The following LRRC8A variants were observed in gnomAD, a reference collection of about 807,000 sequenced individuals.
LRRC8A encodes the protein leucine rich repeat containing 8 VRAC subunit A.
Under a neutral mutation model 52.5 loss-of-function variants are expected in LRRC8A, and 24 were observed. The observed-to-expected ratio is 0.46, with a 90% confidence interval of 0.33 to 0.64. LRRC8A has a LOEUF of 0.64. Among genes scored for constraint, LRRC8A ranks in the 30% least tolerant of loss-of-function variants. The pLI is 0.02. For synonymous variants in LRRC8A, 492 were observed against 494.2 expected, an observed-to-expected ratio of 1.00 and a Z score of 0.06; for missense variants, 677 against 1,094.7, an observed-to-expected ratio of 0.62 and a Z score of 5.38.
chr9:128,907,264 G>A lies in LRRC8A; in HGVS notation c.100G>A (p.Val34Ile), dbSNP rs749710079. 69 of 1,613,926 alleles carry A rather than the reference G, an allele frequency of 4.3e-5. No individual in the cohort carries two copies. Among genetic ancestry groups the A allele is most frequent in the Admixed American group, 3.7e-4 (22 of 60,012 alleles). Residue 34 changes from valine (V) to isoleucine (I), a missense_variant, in exon 3 of 4, where the codon GTC becomes ATC. Physicochemically the swap from Val to Ile is conservative, Grantham distance 29. Around this residue, in one of 4 missense-constraint regions of LRRC8A, gnomAD observed 32 missense variants for 86.0 expected, o/e 0.37. Coordinates refer to ENST00000372600, the MANE Select transcript of LRRC8A (RefSeq NM_019594.4). This position sits in a 1 kb window ranked among gnomAD's most constrained non-coding sequence, Gnocchi z 9.3. ...TGTGTTCACAGACTACATCTCTATC[G>A]TCATGCTGATGATTGCCGTCTTCGG... ...WDVFTDYISIVMLMIAVFGGT... is the reference protein window; with the variant it reads ...WDVFTDYISIIMLMIAVFGGT...
intron 2 of LRRC8A, among the ~76,000 whole-genome samples, chr9:128,901,770 C>T (rs1034010726): frequency 3.9e-5 from 6 of 152,086 alleles, no homozygotes; most frequent in Admixed American, 6.5e-5. Flanking sequence ...TCATCCTCGG[C>T]AAGAGCCGTG....
intron 2 of LRRC8A, among the ~76,000 whole-genome samples, chr9:128,886,401 GC>G (rs775797555): frequency 2.6e-5 from 4 of 152,198 alleles, no homozygotes; most frequent in African/African-American, 9.7e-5. Flanking sequence ...TGCTAATGCA[GC>G]CTCATGACCA....
Position 128,917,446 on chromosome 9 carries a change from G to C in LRRC8A, c.*1075G>C, listed in dbSNP as rs145750669. 1 of 152,606 alleles carries C rather than the reference G, an allele frequency of 6.6e-6. No homozygotes were observed. The highest frequency in any genetic ancestry group is 6.6e-5 in the Admixed American group (1 of 15,262). 9.5% of individuals were successfully genotyped at this position (152,606 alleles called of 1,614,324 possible). On this transcript the variant is annotated 3_prime_UTR_variant, in exon 4 of 4. Transcript: ENST00000372600. The stretch of plus-strand genomic sequence containing the variant: ...AGGAGACTCGGGTTGGCTAATCCCC[G>C]GATGAACGGTGCTCCATTCGCACCT...
chr9:128,890,316 C>A (rs774210289), intron 2 of LRRC8A, among the ~76,000 whole-genome samples: 18 of 152,116 alleles, frequency 1.2e-4, no homozygotes, highest in Admixed American at 1.0e-3. Context: ...GCAAGTTTGT[C>A]TACATCTAAA....
chr9:128,887,393 G>T (rs1024281895), intron 2 of LRRC8A, among the ~76,000 whole-genome samples: 3 of 152,010 alleles, frequency 2.0e-5, no homozygotes, highest in Non-Finnish European at 4.4e-5. Context: ...CGAACTCCTG[G>T]GTTCAAGAGA....
chr9:128,886,769 TGGTC>T (rs1286915799), intron 2 of LRRC8A, among the ~76,000 whole-genome samples: 4 of 152,176 alleles, frequency 2.6e-5, no homozygotes, highest in African/African-American at 4.8e-5. Flanking sequence ...TCCTAGAAGG[TGGTC>T]CCGAGTCATA....
intron 2 of LRRC8A, among the ~76,000 whole-genome samples, chr9:128,905,244 CAG>C (rs1386040885): frequency 6.6e-6 from 1 of 152,190 alleles, no homozygotes; most frequent in Non-Finnish European, 1.5e-5. Flanking sequence ...GAAAAGTTAA[CAG>C]TGTGTAACCC....
chr9:128,890,043 T>C (rs1839544102), intron 2 of LRRC8A, among the ~76,000 whole-genome samples: 1 of 151,912 alleles, frequency 6.6e-6, no homozygotes, highest in African/African-American at 2.4e-5. Context: ...CCTCAGGTGA[T>C]CCACCCACCT....
At chr9:128,915,771 G>T (rs1840785632) in intron 3 of LRRC8A, among the ~76,000 whole-genome samples, 6 of 152,212 alleles carry the variant, frequency 3.9e-5, no homozygotes. Context: ...CCAGGTGCTG[G>T]AAGATAGTGG....
chr9:128,899,861 C>T lies in LRRC8A; in HGVS notation c.-8-7296C>T, dbSNP rs1290954425. Among the ~76,000 whole-genome samples the T allele has an allele frequency of 6.6e-6, 1 of 152,150 alleles. No individual in the cohort carries two copies. The highest frequency in any genetic ancestry group is 6.5e-5 in the Admixed American group (1 of 15,270). The stretch of plus-strand genomic sequence containing the variant: ...ATGTGCTTCATGCCACTGAACTACA[C>T]CCCTGAACATGGGTAAGATGGTACA... On this transcript the variant is annotated intron_variant, in intron 2 of 3. Coordinates refer to ENST00000372600, the MANE Select transcript of LRRC8A (RefSeq NM_019594.4). This position sits in a 1 kb window ranked among gnomAD's most constrained non-coding sequence, Gnocchi z 4.0.
At chr9:128,886,290 C>T (rs887953850) in intron 2 of LRRC8A, among the ~76,000 whole-genome samples, 169 bp downstream of exon 2, 4 of 152,222 alleles carry the variant, frequency 2.6e-5, no homozygotes, top group African/African-American at 4.8e-5. Flanking sequence ...CTCCTTCTCC[C>T]GCTGAGTAAT....
intron 3 of LRRC8A, among the ~76,000 whole-genome samples, chr9:128,915,236 G>A (rs2131068120): frequency 6.6e-6 from 1 of 152,310 alleles, no homozygotes; most frequent in South Asian, 2.1e-4. Flanking sequence ...TGCAGGTAGT[G>A]CAGAACCCTA....
At chr9:128,903,917 A>G (rs1384293626) in intron 2 of LRRC8A, among the ~76,000 whole-genome samples, 1 of 152,082 alleles carries the variant, frequency 6.6e-6, no homozygotes, top group African/African-American at 2.4e-5. Context: ...AATCCCAGCC[A>G]CTTGGGAGAT....
In LRRC8A at chr9:128,907,508, A is replaced by C. The variant is rs753059529; in HGVS notation, c.344A>C (p.Glu115Ala). The C allele has an allele frequency of 6.2e-7, 1 of 1,614,128 alleles. No individual in the cohort carries two copies. Among genetic ancestry groups the C allele is most frequent in the South Asian group, 1.1e-5 (1 of 91,080 alleles). Reference protein sequence around the residue: ...QYNYVDAVCYENRLHWFAKYF... With the variant: ...QYNYVDAVCYANRLHWFAKYF... ...AACTACGTGGACGCTGTGTGCTATG[A>C]GAACCGACTGCACTGGTTTGCCAAG... Residue 115 changes from glutamate (E) to alanine (A), a missense_variant, in exon 3 of 4, where the codon GAG becomes GCG. Around this residue, in one of 4 missense-constraint regions of LRRC8A, gnomAD observed 422 missense variants for 741.5 expected, o/e 0.57. Transcript: ENST00000372600. The surrounding 1 kb of genome is among the most constrained non-coding windows in gnomAD (Gnocchi z 9.3).
rs1341420689 is a variant in LRRC8A at position 128,911,925 on chromosome 9, C to G, written c.2157+2604C>G. On this transcript the variant is annotated intron_variant, in intron 3 of 3. Coordinates refer to ENST00000372600, the MANE Select transcript of LRRC8A (RefSeq NM_019594.4). This position sits in a 1 kb window ranked among gnomAD's most constrained non-coding sequence, Gnocchi z 4.9. ...TCCTCCTCACTCGGGCTTGATGGCT[C>G]CTTCTCAGCCACCTTGGCCAGTGGT... Among the ~76,000 whole-genome samples, 2 of 152,238 alleles carry G rather than the reference C, an allele frequency of 1.3e-5. No homozygotes were observed. The highest frequency in any genetic ancestry group is 2.9e-5 in the Non-Finnish European group (2 of 68,048).
In LRRC8A at chr9:128,916,279, C is replaced by T. The variant is rs1270591318; in HGVS notation, c.2341C>T (p.Arg781Cys). The change falls in exon 4 of 4, where the codon CGC (arginine) becomes TGC (cysteine). Residue 781 changes from arginine (R) to cysteine (C), a missense_variant. Coordinates refer to ENST00000372600, the MANE Select transcript of LRRC8A (RefSeq NM_019594.4). This position sits in a 1 kb window ranked among gnomAD's most constrained non-coding sequence, Gnocchi z 6.1. ...VELGECPLLKRSGLVVEEDLF... is the reference protein window; with the variant it reads ...VELGECPLLKCSGLVVEEDLF... ...GCTGGGCGAGTGCCCACTGCTCAAG[C>T]GCAGCGGCTTGGTGGTGGAGGAGGA... is the stretch of plus-strand genomic sequence containing the variant. 1.2e-6 allele frequency: 2 copies of T among 1,613,738 alleles called. No homozygotes were observed. Among genetic ancestry groups the T allele is most frequent in the Non-Finnish European group, 1.7e-6 (2 of 1,179,960 alleles).
At chr9:128,893,013 C>T (rs566606261) in intron 2 of LRRC8A, among the ~76,000 whole-genome samples, 1 of 152,166 alleles carries the variant, frequency 6.6e-6, no homozygotes, top group Non-Finnish European at 1.5e-5. Context: ...GGGTCTGGTG[C>T]GTGCTGGGGG....
chr9:128,907,968 C>A lies in LRRC8A; in HGVS notation c.804C>A (p.Thr268=), dbSNP rs768641393. ...TGTACCGCCTCTACATGCGGCAGAC[C>A]ATCATCAAGGTGATCAAGTTCATCC... ...DIVYRLYMRQ[T]IIKVIKFILI... The change falls in exon 3 of 4, where the codon ACC becomes ACA. Residue 268 remains threonine (T), a synonymous_variant. Coordinates refer to ENST00000372600, the MANE Select transcript of LRRC8A (RefSeq NM_019594.4). This position sits in a 1 kb window ranked among gnomAD's most constrained non-coding sequence, Gnocchi z 9.3. The A allele has an allele frequency of 8.9e-5, 144 of 1,614,006 alleles. No homozygotes were observed. Among genetic ancestry groups the A allele is most frequent in the Non-Finnish European group, 1.2e-4 (140 of 1,180,032 alleles).
intron 1 of LRRC8A, among the ~76,000 whole-genome samples, chr9:128,884,554 T>G (rs956982921): frequency 1.3e-5 from 2 of 152,142 alleles, no homozygotes; most frequent in African/African-American, 4.8e-5. Context: ...GGCCACCATA[T>G]TAATAGAAAT....
Sources: gnomAD v4.1 joint callset for allele counts (sites outside exome capture counted in the v4.1 genomes callset) on GRCh38, gnomAD v4.1.1 for gene constraint, gnomAD v4.1.1 regional missense constraint, Gnocchi (gnomAD v3.1) non-coding constraint, MANE v1.5 for transcripts, NCBI Gene and HGNC (gene_info 2026-07-23, HGNC 2026-07-21) for gene names.